MACROD2: variants seen among roughly 807,000 people sequenced by gnomAD.
MACROD2 encodes ADP-ribose glycohydrolase MACROD2.
MACROD2 carries 36 observed loss-of-function variants against 70.4 expected under a neutral mutation model. That is an observed-to-expected ratio of 0.51 (90% CI 0.39 to 0.68). The LOEUF (loss-of-function observed/expected upper bound fraction) is 0.68, where lower values mean the gene tolerates loss of function less well. MACROD2 is among the 30% of genes least tolerant of loss of function. MACROD2 has a pLI of 0.00. For missense variants in MACROD2, 496 were observed against 538.4 expected, an observed-to-expected ratio of 0.92 and a Z score of 0.78; for synonymous variants, 172 against 178.8, an observed-to-expected ratio of 0.96 and a Z score of 0.30.
At chr20:14,812,069 A>G (rs566278325) in intron 5 of MACROD2, among the ~76,000 whole-genome samples, 29 of 152,224 alleles carry the variant, frequency 1.9e-4, no homozygotes, top group Admixed American at 1.8e-3. Flanking sequence ...CAGCCATCCC[A>G]TTACTGGGTA....
chr20:15,512,233 G>T (rs1434794872), intron 8 of MACROD2, among the ~76,000 whole-genome samples: 1 of 152,216 alleles, frequency 6.6e-6, no homozygotes, highest in Non-Finnish European at 1.5e-5. Context: ...GTTTGATGAA[G>T]TTTACACATA....
At chr20:14,287,100 T>A (rs1218402091) in intron 3 of MACROD2, among the ~76,000 whole-genome samples, 1 of 152,204 alleles carries the variant, frequency 6.6e-6, no homozygotes, top group Non-Finnish European at 1.5e-5. Context: ...CCTAGAGTAC[T>A]GTGTCCTATC....
At chr20:15,362,253 C>A (rs2078361412) in intron 6 of MACROD2, among the ~76,000 whole-genome samples, 1 of 152,042 alleles carries the variant, frequency 6.6e-6, no homozygotes, top group East Asian at 1.9e-4. Context: ...CCCGGCCTCC[C>A]AAAGTACTGG....
At chr20:15,963,290 A>G (rs1051841116) in intron 12 of MACROD2, among the ~76,000 whole-genome samples, 3 of 152,114 alleles carry the variant, frequency 2.0e-5, no homozygotes, top group African/African-American at 4.8e-5. Flanking sequence ...TTTTTGGTTC[A>G]GACCCATTAG....
chr20:15,683,641 C>T (rs2050189914), intron 8 of MACROD2, among the ~76,000 whole-genome samples: 1 of 152,100 alleles, frequency 6.6e-6, no homozygotes. Flanking sequence ...TGTAGTGGCA[C>T]AATCTCTGCT....
At chr20:15,995,316 G>GT (rs1321093634) in intron 15 of MACROD2, among the ~76,000 whole-genome samples, 1 of 151,220 alleles carries the variant, frequency 6.6e-6, no homozygotes, top group Non-Finnish European at 1.5e-5. Flanking sequence ...AGCTCAGGAT[G>GT]TAAGTCTTTT....
chr20:14,327,022 G>A, intron 3 of MACROD2: 1 of 1,613,736 alleles, frequency 6.2e-7, no homozygotes, highest in Non-Finnish European at 8.5e-7. Context: ...GTGATTACGG[G>A]ACAGGAAAAG....
rs951483850 is a variant in MACROD2, at chr20:14,953,240, G to A, written c.418+268281G>A. Among the ~76,000 whole-genome samples, 7 of 152,112 alleles carry A rather than the reference G, an allele frequency of 4.6e-5. No homozygotes were observed. In the East Asian group the frequency reaches 1.3e-3, roughly 29 times the overall value. On this transcript the variant is annotated intron_variant, in intron 5 of 17. Coordinates refer to ENST00000684519, the MANE Select transcript of MACROD2 (RefSeq NM_001351661.2). Reference sequence around the variant, plus strand: ...TTGACCTTTCCATAAAGTGTGAAAGGTTCCTGTCTCCCATAAAGTTGTGAC... The same window carrying A: ...TTGACCTTTCCATAAAGTGTGAAAGATTCCTGTCTCCCATAAAGTTGTGAC...
chr20:16,035,933 G>A (rs1422477065), intron 15 of MACROD2, among the ~76,000 whole-genome samples: 1 of 152,042 alleles, frequency 6.6e-6, no homozygotes, highest in African/African-American at 2.4e-5. Context: ...CATCCCATTG[G>A]CCAAAGCAAA....
chr20:16,023,393 G>C (rs541322507), intron 15 of MACROD2, among the ~76,000 whole-genome samples: 1 of 143,278 alleles, frequency 7.0e-6, no homozygotes, highest in Non-Finnish European at 1.5e-5. Flanking sequence ...GAGAATGGCT[G>C]AACCTGGGAG....
intron 3 of MACROD2, among the ~76,000 whole-genome samples, chr20:14,112,232 G>C (rs1197956973): frequency 6.6e-6 from 1 of 151,918 alleles, no homozygotes; most frequent in Non-Finnish European, 1.5e-5. Context: ...TGGGGGGTTG[G>C]AGGGTAAGTG....
intron 3 of MACROD2, among the ~76,000 whole-genome samples, chr20:14,171,176 G>A (rs1431639257): frequency 6.6e-6 from 1 of 151,828 alleles, no homozygotes; most frequent in African/African-American, 2.4e-5. Flanking sequence ...GTATTTCTGT[G>A]GTATCAGTTG....
intron 8 of MACROD2, among the ~76,000 whole-genome samples, chr20:15,813,946 T>C (rs1218548757): frequency 6.6e-6 from 1 of 152,206 alleles, no homozygotes; most frequent in African/African-American, 2.4e-5. Context: ...TCCATGTTCA[T>C]GTTGTTTTTG....
At chr20:14,502,796 A>G (rs1329240584) in intron 4 of MACROD2, among the ~76,000 whole-genome samples, 1 of 152,232 alleles carries the variant, frequency 6.6e-6, no homozygotes, top group Non-Finnish European at 1.5e-5. Flanking sequence ...AAAAGATTAT[A>G]TAGATAGCTG....
Position 15,653,735 on chromosome 20 carries a change from G to C in MACROD2, c.645+153888G>C, listed in dbSNP as rs74626104. On this transcript the variant is annotated intron_variant, in intron 8 of 17. Coordinates refer to ENST00000684519, the MANE Select transcript of MACROD2 (RefSeq NM_001351661.2). The stretch of plus-strand genomic sequence containing the variant: ...TTTCTCAACACTTACCAGTGCACTG[G>C]GTTGTTGGGATATAAACACAGGAAC... Among the ~76,000 whole-genome samples the C allele has an allele frequency of 3.6e-3, 547 of 152,172 alleles. 2 individuals carry two copies. The highest frequency in any genetic ancestry group is 6.2e-3 in the Non-Finnish European group (419 of 67,980).
intron 5 of MACROD2, among the ~76,000 whole-genome samples, chr20:15,048,121 A>AAATAAAT (rs562714078): frequency 0.03 from 4,458 of 149,788 alleles, 224 homozygotes; most frequent in African/African-American, 0.1. Flanking sequence ...AATAAATAAT[A>AAATAAAT]AAAAATTAGC....
chr20:15,294,906 C>T (rs1568699816), intron 6 of MACROD2, among the ~76,000 whole-genome samples: 1 of 152,192 alleles, frequency 6.6e-6, no homozygotes, highest in Non-Finnish European at 1.5e-5. Flanking sequence ...CAAATTAAAA[C>T]CATGGTGAGA....
intron 13 of MACROD2, among the ~76,000 whole-genome samples, chr20:15,967,891 GCACTGGGTTTGCAAA>G (rs1484937699): frequency 6.6e-6 from 1 of 152,136 alleles, no homozygotes; most frequent in East Asian, 1.9e-4. Flanking sequence ...AATTCTATAA[GCACTGGGTTTGCAAA>G]CACTGAGATG....
chr20:15,121,202 A>T (rs1263911839), intron 5 of MACROD2, among the ~76,000 whole-genome samples: 2 of 152,130 alleles, frequency 1.3e-5, no homozygotes, highest in Non-Finnish European at 2.9e-5. Context: ...AGTGCTTACA[A>T]TTTATTTTTG....
Sources: gnomAD v4.1 joint callset for allele counts (sites outside exome capture counted in the v4.1 genomes callset) on GRCh38, gnomAD v4.1.1 for gene constraint, MANE v1.5 for transcripts, NCBI Gene and HGNC (gene_info 2026-07-23, HGNC 2026-07-21) for gene names.